The following SORCS1 variants were observed in gnomAD, a reference collection of about 807,000 sequenced individuals.
SORCS1 encodes the protein sortilin related VPS10 domain containing receptor 1, also known as VPS10 domain-containing receptor SorCS1.
In SORCS1, 60 loss-of-function variants were observed where a neutral mutation model predicts 146.1. The observed-to-expected ratio is 0.41, with a 90% CI of 0.33 to 0.51. The LOEUF is 0.51. SORCS1 is among the 20% of genes least tolerant of loss of function. The probability of loss-of-function intolerance (pLI) is 0.21; values close to 1 mark genes in which losing one functional copy is unlikely to be tolerated. For missense variants in SORCS1, 1,352 were observed against 1,487.6 expected, an observed-to-expected ratio of 0.91 and a Z score of 1.50; for synonymous variants, 637 against 584.0, an observed-to-expected ratio of 1.09 and a Z score of -1.31.
chr10:106,649,563 A>G (rs1479130497), intron 18 of SORCS1, among the ~76,000 whole-genome samples: 1 of 152,200 alleles, frequency 6.6e-6, no homozygotes, highest in Non-Finnish European at 1.5e-5. Context: ...AGCAGTTTGA[A>G]TGTAATAGCT....
At chr10:106,863,502 G>A (rs1950100293) in intron 2 of SORCS1, among the ~76,000 whole-genome samples, 1 of 147,750 alleles carries the variant, frequency 6.8e-6, no homozygotes, top group Non-Finnish European at 1.5e-5. Context: ...TCCAGCTTGG[G>A]CAACAGAGCA....
At chr10:106,811,371 T>A (rs946510721) in intron 3 of SORCS1, among the ~76,000 whole-genome samples, 7 of 152,218 alleles carry the variant, frequency 4.6e-5, no homozygotes, top group African/African-American at 1.7e-4. Flanking sequence ...TGAAAAATAA[T>A]GCCTTCCTGT....
chr10:106,850,141 T>C (rs1273911947), intron 2 of SORCS1, among the ~76,000 whole-genome samples: 2 of 151,740 alleles, frequency 1.3e-5, no homozygotes, highest in Non-Finnish European at 3.0e-5. Context: ...GCTGCTTTGT[T>C]TACCTAAGCA....
intron 2 of SORCS1, among the ~76,000 whole-genome samples, chr10:106,839,488 T>G (rs1265249412): frequency 6.6e-6 from 1 of 152,108 alleles, no homozygotes. Context: ...CTAGCAGAAT[T>G]TGGTTCATGA....
chr10:106,738,320 A>AAG (rs1382219886), intron 5 of SORCS1, among the ~76,000 whole-genome samples: 1 of 152,122 alleles, frequency 6.6e-6, no homozygotes, highest in Non-Finnish European at 1.5e-5. Context: ...GGAAAATAAA[A>AAG]TCTAAGTGGG....
At position 106,612,097 on chromosome 10, in the gene SORCS1, T is replaced by C. The variant is rs964135323; in HGVS notation, c.2921-74A>G. The stretch of plus-strand genomic sequence containing the variant: ...AAGAGGTTTGTTAGACTTTATATTT[T>C]ATACAAAATGGAGGGTCCTTCCCCT... On this transcript the variant is annotated intron_variant, in intron 21 of 25. Transcript: ENST00000263054. The C allele has an allele frequency of 2.3e-5, 28 of 1,197,556 alleles. No homozygotes were observed. The African/African-American group carries it at 3.9e-4, about 17-fold the overall frequency. The allele number at this position is 1,197,556 out of a possible 1,614,324, so 74.2% of individuals were successfully genotyped here.
chr10:106,703,648 T>C (rs1854296643), intron 8 of SORCS1, among the ~76,000 whole-genome samples: 1 of 152,222 alleles, frequency 6.6e-6, no homozygotes, highest in African/African-American at 2.4e-5. Context: ...TAGTGGGTGA[T>C]TAAAGAAAAT....
chr10:107,075,773 T>C (rs1223949023), intron 1 of SORCS1, among the ~76,000 whole-genome samples: 2 of 152,126 alleles, frequency 1.3e-5, no homozygotes, highest in Admixed American at 6.6e-5. Flanking sequence ...TTCTTTCTTG[T>C]TTCCATACAA....
At chr10:107,054,691 G>T (rs1231090967) in intron 1 of SORCS1, among the ~76,000 whole-genome samples, 1 of 152,066 alleles carries the variant, frequency 6.6e-6, no homozygotes, top group Admixed American at 6.6e-5. Context: ...CTACTCCCTG[G>T]GACATTCATT....
rs540771470 is a variant in SORCS1, at chr10:106,968,098, T to C, written c.559-11518A>G. ...GGTGGCGGGTGCCTGTAGTCCCAGTTACTCGGGAGGCTGAGGCAGGAGAAT... is the reference window on the plus strand; with the variant it reads ...GGTGGCGGGTGCCTGTAGTCCCAGTCACTCGGGAGGCTGAGGCAGGAGAAT... On this transcript the variant is annotated intron_variant, in intron 1 of 25. Coordinates refer to ENST00000263054, the MANE Select transcript of SORCS1 (RefSeq NM_052918.5). Among the ~76,000 whole-genome samples, 6 of 151,224 alleles carry C rather than the reference T, an allele frequency of 4.0e-5. No individual in the cohort carries two copies. The East Asian group carries it at 1.2e-3, about 29-fold the overall frequency.
At chr10:107,027,757 A>G (rs994250208) in intron 1 of SORCS1, among the ~76,000 whole-genome samples, 4 of 152,162 alleles carry the variant, frequency 2.6e-5, no homozygotes, top group African/African-American at 9.7e-5. Flanking sequence ...AGGTCCATAT[A>G]TACAGAATTA....
rs1334065653 is a variant in SORCS1, at chr10:106,652,501, T to C, written c.2356A>G (p.Thr786Ala). 7 of 1,614,016 alleles carry C rather than the reference T, an allele frequency of 4.3e-6. No homozygotes were observed. The highest frequency in any genetic ancestry group is 1.3e-5 in the African/African-American group (1 of 74,916). The change falls in exon 18 of 26, where the codon ACT becomes GCT. Residue 786 changes from threonine (T) to alanine (A), a missense_variant. Physicochemically the swap from Thr to Ala is moderately conservative, Grantham distance 58. Transcript: ENST00000263054. ...NCTDGVREQY[T>A]AKPQKCPGKA... Reference sequence around the variant, plus strand: ...CCTGGGCACTTCTGCGGTTTGGCAGTGTACTGTTCCCTTACGCCATCAGTG... The same window carrying C: ...CCTGGGCACTTCTGCGGTTTGGCAGCGTACTGTTCCCTTACGCCATCAGTG...
At chr10:106,740,950 A>G (rs531228282) in intron 5 of SORCS1, among the ~76,000 whole-genome samples, 1 of 152,360 alleles carries the variant, frequency 6.6e-6, no homozygotes, top group South Asian at 2.1e-4. Context: ...ACCACCTGTA[A>G]AAAAGAGTAG....
chr10:106,989,828 A>G (rs1956692680), intron 1 of SORCS1, among the ~76,000 whole-genome samples: 1 of 150,946 alleles, frequency 6.6e-6, no homozygotes, highest in African/African-American at 2.4e-5. Flanking sequence ...CTGGGACTAC[A>G]GGCGCCCGCC....
chr10:106,883,439 G>C (rs1312634055), intron 2 of SORCS1, among the ~76,000 whole-genome samples: 1 of 149,750 alleles, frequency 6.7e-6, no homozygotes, highest in Non-Finnish European at 1.5e-5. Flanking sequence ...TTTTGAGACG[G>C]AGTCTTGCTC....
intron 2 of SORCS1, among the ~76,000 whole-genome samples, chr10:106,902,850 G>A (rs576805953): frequency 2.0e-5 from 3 of 152,350 alleles, no homozygotes; most frequent in East Asian, 3.9e-4. Context: ...AGGCCAAGGC[G>A]AGTGGATCAC....
chr10:106,678,183 T>C (rs1402217915), intron 12 of SORCS1, among the ~76,000 whole-genome samples: 1 of 152,204 alleles, frequency 6.6e-6, no homozygotes, highest in African/African-American at 2.4e-5. Flanking sequence ...TTATTTCTTA[T>C]ACCCAAGATG....
At chr10:106,621,859 G>A (rs1447938720) in intron 19 of SORCS1, among the ~76,000 whole-genome samples, 2 of 152,054 alleles carry the variant, frequency 1.3e-5, no homozygotes, top group Admixed American at 6.5e-5. Flanking sequence ...CTCTAAGCAC[G>A]TTCTCACTTA....
chr10:106,965,179 A>C (rs1453969665), intron 1 of SORCS1, among the ~76,000 whole-genome samples: 1 of 152,040 alleles, frequency 6.6e-6, no homozygotes, highest in Non-Finnish European at 1.5e-5. Context: ...ACTTCTTTTC[A>C]TCACCTGAAG....
Sources: allele counts gnomAD v4.1 joint callset (sites outside exome capture counted in the v4.1 genomes callset), GRCh38; gene constraint gnomAD v4.1.1; transcripts MANE v1.5; gene names NCBI Gene and HGNC (gene_info 2026-07-23, HGNC 2026-07-21).